Variants in FOXP1 observed in about 807,000 individuals in gnomAD.
FOXP1 encodes the protein forkhead box P1, also known as forkhead box protein P1.
In FOXP1, 15 loss-of-function variants were observed where a neutral mutation model predicts 98.2. That is an observed-to-expected ratio of 0.15 (90% CI 0.10 to 0.24). The LOEUF is 0.24. Among genes scored for constraint, FOXP1 ranks in the 10% least tolerant of loss-of-function variants. The probability of loss-of-function intolerance (pLI) is 1.00; values close to 1 mark genes in which losing one functional copy is unlikely to be tolerated. For synonymous variants in FOXP1, 371 were observed against 314.5 expected, an observed-to-expected ratio of 1.18 and a Z score of -1.90; for missense variants, 633 against 848.5, an observed-to-expected ratio of 0.75 and a Z score of 3.15.
Position 71,015,609 on chromosome 3 carries a change from T to C in FOXP1, c.914A>G (p.His305Arg). ...ACAGCCTGGCCACTTGCATACACCATGTCCATAGAGAGGATGGCTATGGGG... is the reference window on the plus strand; with the variant it reads ...ACAGCCTGGCCACTTGCATACACCACGTCCATAGAGAGGATGGCTATGGGG... ...EHPHSHPLYG[H>R]GVCKWPGCEA... Residue 305 changes from histidine to arginine, a missense_variant, in exon 12 of 21, where the codon CAT becomes CGT. His to Arg is a conservative substitution (Grantham distance 29). This residue lies in a region of FOXP1 where 23 missense variants were observed against 92.9 expected (regional missense o/e 0.25). Coordinates refer to ENST00000649528, the MANE Select transcript of FOXP1 (RefSeq NM_001349338.3). 6.2e-7 allele frequency: 1 copy of C among 1,613,314 alleles called. No homozygotes were observed. Among genetic ancestry groups the C allele is most frequent in the Non-Finnish European group, 8.5e-7 (1 of 1,179,428 alleles).
chr3:71,205,906 A>G (rs1285390556), intron 5 of FOXP1, among the ~76,000 whole-genome samples: 2 of 152,252 alleles, frequency 1.3e-5, no homozygotes, highest in Non-Finnish European at 2.9e-5. Flanking sequence ...GTAATACGGC[A>G]GCTTTCTTGC....
At chr3:71,240,397 C>T (rs2067154599) in intron 5 of FOXP1, among the ~76,000 whole-genome samples, 1 of 152,178 alleles carries the variant, frequency 6.6e-6, no homozygotes, top group Non-Finnish European at 1.5e-5. Context: ...AGCGATGGGC[C>T]TACAAATGGA....
intron 5 of FOXP1, among the ~76,000 whole-genome samples, chr3:71,236,458 A>T (rs1177117723): frequency 1.3e-5 from 2 of 152,232 alleles, no homozygotes; most frequent in Admixed American, 6.5e-5. Flanking sequence ...TCTACCAGTC[A>T]TCCTGTCTAC....
intron 7 of FOXP1, among the ~76,000 whole-genome samples, chr3:71,074,436 A>G (rs984429717): frequency 7.9e-5 from 12 of 152,204 alleles, no homozygotes; most frequent in Non-Finnish European, 1.8e-4. Context: ...CCTATTGGCC[A>G]GGCTGGTCTC....
At chr3:71,553,522 G>A (rs1377333997) in intron 2 of FOXP1, among the ~76,000 whole-genome samples, 1 of 152,004 alleles carries the variant, frequency 6.6e-6, no homozygotes, top group Non-Finnish European at 1.5e-5. Context: ...TAACTTGTTC[G>A]GTTCTTCACT....
chr3:71,543,084 T>C (rs1222386319), intron 2 of FOXP1, among the ~76,000 whole-genome samples: 5 of 152,180 alleles, frequency 3.3e-5, no homozygotes, highest in Admixed American at 2.0e-4. Flanking sequence ...TCCCCCTCAA[T>C]TGACCCACAG....
intron 10 of FOXP1, among the ~76,000 whole-genome samples, chr3:71,044,956 C>T (rs1020433237): frequency 4.8e-4 from 73 of 152,170 alleles, no homozygotes; most frequent in African/African-American, 1.7e-3. Context: ...GCCATCATCT[C>T]TCTGATAAAA....
At chr3:71,492,125 T>C (rs2091101736) in intron 3 of FOXP1, among the ~76,000 whole-genome samples, 1 of 152,092 alleles carries the variant, frequency 6.6e-6, no homozygotes, top group South Asian at 2.1e-4. Context: ...ACTGATAGGA[T>C]AGGATCCTCT....
At chr3:71,254,724 T>A (rs1148749) in intron 5 of FOXP1, among the ~76,000 whole-genome samples, 3 of 152,006 alleles carry the variant, frequency 2.0e-5, no homozygotes, top group Admixed American at 6.6e-5. Context: ...ACATGTACAC[T>A]GGATTCCAAC....
intron 6 of FOXP1, among the ~76,000 whole-genome samples, chr3:71,183,740 C>T (rs975884453): frequency 4.6e-5 from 7 of 152,184 alleles, no homozygotes; most frequent in African/African-American, 1.7e-4. Context: ...TAAACTCTGC[C>T]AGTGGTTCTT....
chr3:70,986,665 T>C (rs2039785065), intron 14 of FOXP1, among the ~76,000 whole-genome samples: 2 of 152,234 alleles, frequency 1.3e-5, no homozygotes, highest in East Asian at 3.8e-4. Context: ...AGCTGACTAC[T>C]GATGCCACAA....
In FOXP1 at chr3:70,962,446, A is replaced by T. The variant is rs76512676; in HGVS notation, c.1890-3055T>A. On this transcript the variant is annotated intron_variant, in intron 20 of 20. Coordinates refer to ENST00000649528, the MANE Select transcript of FOXP1 (RefSeq NM_001349338.3). ...ATATTAACTTCCAAAGGGGCTATCA[A>T]TTTAAACTCAATCTCATCAGCAGCA... is the stretch of plus-strand genomic sequence containing the variant. Among the ~76,000 whole-genome samples, 845 of 152,318 alleles carry T rather than the reference A, an allele frequency of 5.5e-3. 14 individuals carry two copies. Among genetic ancestry groups the T allele is most frequent in the African/African-American group, 0.019 (777 of 41,564 alleles).
At chr3:71,320,570 T>C (rs554281090) in intron 4 of FOXP1, among the ~76,000 whole-genome samples, 45 of 152,288 alleles carry the variant, frequency 3.0e-4, no homozygotes, top group Middle Eastern at 3.4e-3. Context: ...CCCTGTTATC[T>C]ATTCCCTTTG....
chr3:71,498,122 T>C (rs531009793), intron 2 of FOXP1, among the ~76,000 whole-genome samples: 2 of 152,286 alleles, frequency 1.3e-5, no homozygotes, highest in South Asian at 4.2e-4. Flanking sequence ...AGTCTAGCCA[T>C]GGAGAGAGAA....
chr3:71,233,540 C>T (rs747754797), intron 5 of FOXP1, among the ~76,000 whole-genome samples: 1 of 151,738 alleles, frequency 6.6e-6, no homozygotes, highest in Non-Finnish European at 1.5e-5. Flanking sequence ...GATTCTCTCA[C>T]CTCAGCCTCC....
intron 3 of FOXP1, among the ~76,000 whole-genome samples, chr3:71,364,997 C>A (rs978795949): frequency 6.6e-6 from 1 of 152,188 alleles, no homozygotes; most frequent in Admixed American, 6.5e-5. Flanking sequence ...TGCCACAGCT[C>A]TCTATTGCAA....
chr3:71,504,914 C>T (rs1044217553), intron 2 of FOXP1, among the ~76,000 whole-genome samples: 1 of 152,182 alleles, frequency 6.6e-6, no homozygotes, highest in African/African-American at 2.4e-5. Context: ...GTACTCTGTC[C>T]ATAGCATTTT....
At chr3:71,333,988 C>T (rs1347031240) in intron 4 of FOXP1, 5 of 150,028 alleles carry the variant, frequency 3.3e-5, no homozygotes, top group South Asian at 4.2e-4. Context: ...CAACAAATAA[C>T]GCTTTAAAAA....
intron 2 of FOXP1, among the ~76,000 whole-genome samples, chr3:71,577,722 T>C (rs963048928): frequency 6.6e-6 from 1 of 152,092 alleles, no homozygotes; most frequent in Non-Finnish European, 1.5e-5. Flanking sequence ...GCAAACCTAC[T>C]TGGCTTGCTG....
Sources: gnomAD v4.1 joint callset for allele counts (sites outside exome capture counted in the v4.1 genomes callset) on GRCh38, gnomAD v4.1.1 for gene constraint, gnomAD v4.1.1 regional missense constraint, MANE v1.5 for transcripts, NCBI Gene and HGNC (gene_info 2026-07-23, HGNC 2026-07-21) for gene names.